The following RBM27 variants were observed in gnomAD, a reference collection of about 807,000 sequenced individuals.
RBM27 encodes RNA binding motif protein 27.
Under a neutral mutation model 135.3 loss-of-function variants are expected in RBM27, and 22 were observed. The ratio of observed to expected loss-of-function variants is 0.16; its 90% CI spans 0.12 to 0.23. The LOEUF is 0.23. RBM27 is among the 10% of genes least tolerant of loss of function. RBM27 has a pLI of 1.00. For missense variants in RBM27, 1,009 were observed against 1,281.0 expected (o/e 0.79, Z 3.24); for synonymous variants, 481 against 442.4 (o/e 1.09, Z -1.10).
chr5:146,224,287 A>T (rs1756574414), intron 3 of RBM27, among the ~76,000 whole-genome samples: 1 of 152,186 alleles, frequency 6.6e-6, no homozygotes, highest in Non-Finnish European at 1.5e-5. Context: ...TGGCACATAA[A>T]TGTTGGTTAT....
At chr5:146,271,102 CAA>C (rs143663420) in intron 18 of RBM27, 44 bp downstream of exon 18, 2 of 1,503,370 alleles carry the variant, frequency 1.3e-6, no homozygotes, top group African/African-American at 2.8e-5. Context: ...TTTAACGTCT[CAA>C]AAAAGTTTTC....
chr5:146,280,059 T>TG (rs1561571108), intron 19 of RBM27, among the ~76,000 whole-genome samples: 1 of 148,724 alleles, frequency 6.7e-6, no homozygotes, highest in African/African-American at 2.5e-5. Context: ...TTCCTTTAAT[T>TG]TTTTTTTTTT....
At chr5:146,244,598 G>C (rs1264692857) in intron 8 of RBM27, among the ~76,000 whole-genome samples, 1 of 151,924 alleles carries the variant, frequency 6.6e-6, no homozygotes, top group Non-Finnish European at 1.5e-5. Flanking sequence ...CTGGAGTATG[G>C]TGGCATCATG....
At chr5:146,207,680 A>G (rs994222584) in intron 1 of RBM27, among the ~76,000 whole-genome samples, 1 of 139,592 alleles carries the variant, frequency 7.2e-6, no homozygotes, top group African/African-American at 2.7e-5. Flanking sequence ...TTTTTTTGAG[A>G]CAGGGTCTCT....
intron 9 of RBM27, among the ~76,000 whole-genome samples, chr5:146,253,186 C>T (rs1456961473): frequency 5.3e-5 from 8 of 151,974 alleles, no homozygotes; most frequent in East Asian, 1.9e-4. Context: ...TTAGTAGAGA[C>T]GGGGTTTTGC....
At chr5:146,211,464 C>CTTTTTTTTTGTTTTTTT (rs1755944378) in intron 1 of RBM27, among the ~76,000 whole-genome samples, 2 of 49,904 alleles carry the variant, frequency 4.0e-5, no homozygotes, top group South Asian at 2.3e-3. Flanking sequence ...ATGGTCTTAT[C>CTTTTTTTTTGTTTTTTT]TTTTTTTTTT....
intron 1 of RBM27, among the ~76,000 whole-genome samples, chr5:146,213,587 A>G (rs1385832646): frequency 6.6e-6 from 1 of 152,196 alleles, no homozygotes; most frequent in African/African-American, 2.4e-5. Flanking sequence ...GAAAGGTCTA[A>G]GTAGTCTTGG....
intron 2 of RBM27, among the ~76,000 whole-genome samples, chr5:146,221,446 T>G (rs367845802): frequency 5.9e-5 from 9 of 152,186 alleles, no homozygotes; most frequent in African/African-American, 2.2e-4. Flanking sequence ...ATTGATTTTT[T>G]TTTTGAGACA....
intron 9 of RBM27, among the ~76,000 whole-genome samples, chr5:146,254,039 A>G (rs557442040): frequency 6.6e-6 from 1 of 152,344 alleles, no homozygotes; most frequent in South Asian, 2.1e-4. Context: ...TACATAACCA[A>G]ATGAATACAT....
At chr5:146,272,021 A>AT (rs1245697334) in intron 19 of RBM27, among the ~76,000 whole-genome samples, 5 of 152,386 alleles carry the variant, frequency 3.3e-5, no homozygotes, top group African/African-American at 1.2e-4. Flanking sequence ...GATAACAGGT[A>AT]TATTTAGTTA....
At chr5:146,211,911 A>G (rs752391754) in intron 1 of RBM27, among the ~76,000 whole-genome samples, 88 of 152,110 alleles carry the variant, frequency 5.8e-4, no homozygotes, top group Admixed American at 1.2e-3. Context: ...ATTAGTATTT[A>G]TTTTGTTTTT....
At chr5:146,244,018 G>A (rs1040001472) in intron 8 of RBM27, among the ~76,000 whole-genome samples, 1 of 151,956 alleles carries the variant, frequency 6.6e-6, no homozygotes, top group Non-Finnish European at 1.5e-5. Context: ...ACCCATTACA[G>A]TATATTTTGC....
At chr5:146,257,019 G>T (rs1758133286) in intron 10 of RBM27, among the ~76,000 whole-genome samples, 3 of 152,164 alleles carry the variant, frequency 2.0e-5, no homozygotes, top group Admixed American at 2.0e-4. Flanking sequence ...TTCTTCATTA[G>T]CCTTCTGCAA....
At position 146,237,428 on chromosome 5, in the gene RBM27, A is replaced by T. The variant is rs762277733; in HGVS notation, c.1275A>T (p.Ser425=). ...PLPQNLLYTV[S]ERQPMYSREH... ...CCCAGAACCTCCTTTACACAGTATC[A>T]GAACGTAAGTACATGTTGTTTGACT... Residue 425 remains serine, a synonymous_variant, in exon 8 of 21, where the codon TCA becomes TCT. Coordinates refer to ENST00000265271, the MANE Select transcript of RBM27 (RefSeq NM_018989.2). The T allele has an allele frequency of 5.6e-6, 9 of 1,613,850 alleles. No individual in the cohort carries two copies. The African/African-American group carries it at 1.1e-4, about 19-fold the overall frequency.
intron 3 of RBM27, 76 bp from the exon 4 acceptor site, chr5:146,228,870 C>T (rs1418938322): frequency 1.1e-5 from 13 of 1,187,004 alleles, no homozygotes; most frequent in East Asian, 4.8e-5. Flanking sequence ...ACCTGGACCT[C>T]GTAAAATGTT....
chr5:146,209,692 G>T (rs1755854830), intron 1 of RBM27, among the ~76,000 whole-genome samples: 1 of 152,164 alleles, frequency 6.6e-6, no homozygotes, highest in South Asian at 2.1e-4. Flanking sequence ...TAAACTACCA[G>T]CGTTAAATAA....
chr5:146,206,195 T>C (rs573968863), intron 1 of RBM27, among the ~76,000 whole-genome samples: 55 of 152,126 alleles, frequency 3.6e-4, no homozygotes, highest in Non-Finnish European at 6.2e-4. Context: ...AACATACATT[T>C]TATGTCTTGG....
chr5:146,218,507 A>G (rs970627453), intron 1 of RBM27, among the ~76,000 whole-genome samples: 6 of 152,196 alleles, frequency 3.9e-5, no homozygotes, highest in Non-Finnish European at 5.9e-5. Flanking sequence ...TGAGATTAGC[A>G]AAAGGGCTGA....
rs556232206 is a variant in RBM27, at chr5:146,267,988, C to T, written c.2451+220C>T. Reference sequence around the variant, plus strand: ...TTTTTTTTTGATACACTATTATTCCCTCCAATTCTAGTGTTTATTTTCTTT... The same window carrying T: ...TTTTTTTTTGATACACTATTATTCCTTCCAATTCTAGTGTTTATTTTCTTT... On this transcript the variant is annotated intron_variant, in intron 15 of 20. Coordinates refer to ENST00000265271, the MANE Select transcript of RBM27 (RefSeq NM_018989.2). 2.0e-5 allele frequency among the ~76,000 whole-genome samples: 3 copies of T among 152,092 alleles called. No homozygotes were observed. In the East Asian group the frequency reaches 5.8e-4, roughly 29 times the overall value.
Sources: allele counts gnomAD v4.1 joint callset (sites outside exome capture counted in the v4.1 genomes callset), GRCh38; gene constraint gnomAD v4.1.1; transcripts MANE v1.5; gene names NCBI Gene and HGNC (gene_info 2026-07-23, HGNC 2026-07-21).